NCKAP5: variants seen among roughly 807,000 people sequenced by gnomAD.
NCKAP5 encodes the protein nck-associated protein 5.
A neutral mutation model predicts 167.0 loss-of-function variants in NCKAP5; 92 were observed. The observed-to-expected ratio is 0.55, with a 90% confidence interval of 0.47 to 0.66. The LOEUF (loss-of-function observed/expected upper bound fraction) is 0.66, where lower values mean the gene tolerates loss of function less well. NCKAP5 is among the 30% of genes least tolerant of loss of function. The pLI, the probability that NCKAP5 is intolerant of heterozygous loss-of-function variation, is 0.00. For synonymous variants in NCKAP5, 891 were observed against 877.4 expected (o/e 1.02, Z -0.27); for missense variants, 2,378 against 2,315.0 (o/e 1.03, Z -0.56).
intron 5 of NCKAP5, among the ~76,000 whole-genome samples, chr2:133,133,998 T>C (rs553234313): frequency 1.3e-5 from 2 of 152,346 alleles, no homozygotes; most frequent in African/African-American, 2.4e-5. Context: ...GCAACTGATA[T>C]GTTGTGAAAA....
Position 132,725,608 on chromosome 2 carries a change from C to G in NCKAP5, c.5713+19G>C, listed in dbSNP as rs1331357161. On this transcript the variant is annotated intron_variant, in intron 19 of 19. Coordinates refer to ENST00000409261, the MANE Select transcript of NCKAP5 (RefSeq NM_207363.3). ...CAGAGAGAGGAACCTGCAGGGCCAG[C>G]AAGTTCGCTGGTTGTTACCTGGGGC... 6.2e-7 allele frequency: 1 copy of G among 1,600,152 alleles called. No homozygotes were observed. The highest frequency in any genetic ancestry group is 2.2e-5 in the East Asian group (1 of 44,460).
intron 5 of NCKAP5, among the ~76,000 whole-genome samples, chr2:133,157,405 G>A (rs114405965): frequency 1.3e-3 from 202 of 152,288 alleles, no homozygotes; most frequent in African/African-American, 4.7e-3. Context: ...GCATTAATAC[G>A]TAGAGGAAAG....
intron 5 of NCKAP5, among the ~76,000 whole-genome samples, chr2:133,176,606 A>T (rs1465056770): frequency 1.3e-5 from 2 of 152,220 alleles, no homozygotes; most frequent in African/African-American, 4.8e-5. Context: ...CCCAATATTC[A>T]AACACTTCCA....
At chr2:133,189,397 C>A (rs2085104393) in intron 5 of NCKAP5, among the ~76,000 whole-genome samples, 2 of 152,034 alleles carry the variant, frequency 1.3e-5, no homozygotes, top group South Asian at 4.1e-4. Flanking sequence ...CTATTCCAAT[C>A]AATAGAAAAA....
intron 6 of NCKAP5, among the ~76,000 whole-genome samples, chr2:133,102,804 A>G (rs2081561311): frequency 1.3e-5 from 2 of 151,540 alleles, no homozygotes; most frequent in African/African-American, 4.9e-5. Flanking sequence ...ACATAAACAC[A>G]ATGGCTGCAT....
intron 6 of NCKAP5, among the ~76,000 whole-genome samples, chr2:133,041,339 C>T (rs572482733): frequency 1.1e-4 from 16 of 152,090 alleles, no homozygotes; most frequent in Non-Finnish European, 2.4e-4. Context: ...CAAAGCCAGA[C>T]ACTATAATGA....
At chr2:132,801,558 C>T (rs746971306) in intron 11 of NCKAP5, among the ~76,000 whole-genome samples, 4 of 152,192 alleles carry the variant, frequency 2.6e-5, no homozygotes, top group Non-Finnish European at 5.9e-5. Flanking sequence ...TGTCACTATA[C>T]ACAAGGGCAG....
intron 19 of NCKAP5, among the ~76,000 whole-genome samples, chr2:132,706,214 C>T (rs926413746): frequency 6.6e-6 from 1 of 152,128 alleles, no homozygotes; most frequent in African/African-American, 2.4e-5. Flanking sequence ...TATCCCTATT[C>T]GGTTCCCCTG....
chr2:133,439,107 C>T (rs1433004730), intron 3 of NCKAP5, among the ~76,000 whole-genome samples: 1 of 152,126 alleles, frequency 6.6e-6, no homozygotes, highest in Non-Finnish European at 1.5e-5. Flanking sequence ...GAGATAGCAT[C>T]CACAGAAATT....
At chr2:133,380,834 C>G (rs1336918165) in intron 3 of NCKAP5, among the ~76,000 whole-genome samples, 2 of 152,168 alleles carry the variant, frequency 1.3e-5, no homozygotes, top group African/African-American at 4.8e-5. Context: ...GAAGACTAAC[C>G]CCTGAGTTCC....
intron 3 of NCKAP5, among the ~76,000 whole-genome samples, chr2:133,485,698 C>A (rs1680847024): frequency 6.6e-6 from 1 of 151,394 alleles, no homozygotes; most frequent in Non-Finnish European, 1.5e-5. Flanking sequence ...CAAAGGAACC[C>A]AATATTATAT....
In NCKAP5 at chr2:132,850,682, A is replaced by AGT. The variant is rs1432646339; in HGVS notation, c.807+9808_807+9809dup. Among the ~76,000 whole-genome samples, 210 of 152,294 alleles carry AGT rather than the reference A, an allele frequency of 1.4e-3. 1 individual carries two copies. The highest frequency in any genetic ancestry group is 4.8e-3 in the African/African-American group (199 of 41,574). Reference sequence around the variant, plus strand: ...TTTCATAGAAACACTTTGCTACCTTAGTACAGCACATGTTAACCTGCTAGA... The same window carrying AGT: ...TTTCATAGAAACACTTTGCTACCTTAGTGTACAGCACATGTTAACCTGCTAGA... On this transcript the variant is annotated intron_variant, in intron 11 of 19. Transcript: ENST00000409261.
At chr2:133,027,327 AGATT>A (rs1439332245) in intron 6 of NCKAP5, among the ~76,000 whole-genome samples, 5 of 152,244 alleles carry the variant, frequency 3.3e-5, no homozygotes, top group African/African-American at 1.2e-4. Flanking sequence ...AAAGGATTAT[AGATT>A]ATATGTCACT....
In NCKAP5 at chr2:133,495,393, T is replaced by C. The variant is rs1323309351; in HGVS notation, c.69+22065A>G. ...ATTCCAAAAGGCAATCTTGATTGCA[T>C]AGGAAAACCAGTTGCTTAGCACAGA... is the stretch of plus-strand genomic sequence containing the variant. On this transcript the variant is annotated intron_variant, in intron 3 of 19. Coordinates refer to ENST00000409261, the MANE Select transcript of NCKAP5 (RefSeq NM_207363.3). 4.6e-5 allele frequency among the ~76,000 whole-genome samples: 7 copies of C among 152,112 alleles called. 1 individual carries two copies. Among genetic ancestry groups the C allele is most frequent in the African/African-American group, 1.7e-4 (7 of 41,430 alleles).
At chr2:133,097,663 G>T (rs2081384246) in intron 6 of NCKAP5, among the ~76,000 whole-genome samples, 1 of 152,182 alleles carries the variant, frequency 6.6e-6, no homozygotes, top group African/African-American at 2.4e-5. Flanking sequence ...AACTAAAGGA[G>T]GCTAAAGACA....
chr2:133,075,229 T>A (rs1459235005), intron 6 of NCKAP5, among the ~76,000 whole-genome samples: 1 of 152,060 alleles, frequency 6.6e-6, no homozygotes, highest in African/African-American at 2.4e-5. Flanking sequence ...TGCTGATAAA[T>A]AAGGAACTGT....
intron 5 of NCKAP5, among the ~76,000 whole-genome samples, chr2:133,156,996 C>T (rs1559203545): frequency 6.6e-6 from 1 of 152,148 alleles, no homozygotes; most frequent in African/African-American, 2.4e-5. Flanking sequence ...AACTCTGTAT[C>T]ATACTGTGTA....
chr2:133,169,196 C>T (rs1482926846), intron 5 of NCKAP5, among the ~76,000 whole-genome samples: 2 of 152,170 alleles, frequency 1.3e-5, no homozygotes, highest in Non-Finnish European at 2.9e-5. Context: ...CCTTAAAATG[C>T]CAAAGTACAC....
Position 133,213,756 on chromosome 2 carries a change from A to C in NCKAP5, c.167T>G (p.Leu56Arg). Reference sequence around the variant, plus strand: ...TGTTCTTTGGGCAACTTCTCGCTGTAGTCGGGCCACTGCCAACTTCTCCCT... The same window carrying C: ...TGTTCTTTGGGCAACTTCTCGCTGTCGTCGGGCCACTGCCAACTTCTCCCT... Reference protein sequence around the residue: ...LWREKLAVARLQREVAQRTSE... With the variant: ...LWREKLAVARRQREVAQRTSE... Residue 56 changes from leucine to arginine, a missense_variant, in exon 5 of 20, where the codon CTA (leucine) becomes CGA (arginine). Transcript: ENST00000409261. 6.2e-7 allele frequency: 1 copy of C among 1,613,834 alleles called. No individual in the cohort carries two copies.
Sources: gnomAD v4.1 joint callset for allele counts (sites outside exome capture counted in the v4.1 genomes callset) on GRCh38, gnomAD v4.1.1 for gene constraint, MANE v1.5 for transcripts, NCBI Gene and HGNC (gene_info 2026-07-23, HGNC 2026-07-21) for gene names.